Variants in SPATA13 observed in about 807,000 individuals in gnomAD.
SPATA13 encodes spermatogenesis associated 13.
In SPATA13, 50 loss-of-function variants were observed where a neutral mutation model predicts 104.0. That is an observed-to-expected ratio of 0.48 (90% CI 0.38 to 0.61). SPATA13 has a LOEUF of 0.61. Ranked by LOEUF, SPATA13 falls within the 20% of genes least tolerant of loss-of-function variation. The pLI is 0.00. For synonymous variants in SPATA13, 606 were observed against 667.5 expected (o/e 0.91, Z 1.42); for missense variants, 1,524 against 1,690.6 (o/e 0.90, Z 1.73).
At chr13:24,000,779 A>G (rs1055386573) in intron 2 of SPATA13, among the ~76,000 whole-genome samples, 13 of 151,916 alleles carry the variant, frequency 8.6e-5, no homozygotes, top group Non-Finnish European at 1.6e-4. Flanking sequence ...TAGACATTTG[A>G]ATTCTGGAGA....
chr13:24,004,870 A>G (rs1018755080), intron 2 of SPATA13, among the ~76,000 whole-genome samples: 15 of 152,132 alleles, frequency 9.9e-5, no homozygotes, highest in African/African-American at 3.1e-4. Flanking sequence ...AACCCTTCCC[A>G]TTATCAAATT....
chr13:24,269,741 A>ATTT lies in SPATA13; in HGVS notation c.2165-14369_2165-14367dup, dbSNP rs71070673. Reference sequence around the variant, plus strand: ...ATGCCACTATGCATGGCTAATATAAATTTTTTTTTTTTTTTTTTTTTTTTT... The same window carrying ATTT: ...ATGCCACTATGCATGGCTAATATAAATTTTTTTTTTTTTTTTTTTTTTTTTTTT... On this transcript the variant is annotated intron_variant, in intron 4 of 12. Transcript: ENST00000382108. Among the ~76,000 whole-genome samples the ATTT allele has an allele frequency of 4.9e-3, 369 of 75,926 alleles. 22 individuals carry two copies. The highest frequency in any genetic ancestry group is 0.013 in the Middle Eastern group (1 of 80). 49.8% of individuals were successfully genotyped at this position (75,926 alleles called of 152,430 possible). A position where few individuals can be genotyped will look rare whatever the true frequency, so the allele number is the denominator to read the frequency against.
intron 1 of SPATA13, among the ~76,000 whole-genome samples, chr13:24,218,970 T>C (rs1383873276): frequency 6.6e-6 from 1 of 151,136 alleles, no homozygotes; most frequent in African/African-American, 2.4e-5. Context: ...ATTTTTTTGT[T>C]TGTTTGTTTT....
chr13:24,010,722 C>G (rs777842242), intron 2 of SPATA13, among the ~76,000 whole-genome samples: 1 of 152,070 alleles, frequency 6.6e-6, no homozygotes, highest in Non-Finnish European at 1.5e-5. Flanking sequence ...ACTCCTCCCT[C>G]CCTCCTGCTC....
intron 4 of SPATA13, among the ~76,000 whole-genome samples, chr13:24,257,350 A>G (rs1873841572): frequency 6.6e-6 from 1 of 152,118 alleles, no homozygotes; most frequent in Non-Finnish European, 1.5e-5. Context: ...ATATGGGTAG[A>G]CCCCTTTCAA....
intron 2 of SPATA13, among the ~76,000 whole-genome samples, chr13:24,228,262 T>G (rs2138621449): frequency 6.6e-6 from 1 of 152,026 alleles, no homozygotes; most frequent in South Asian, 2.1e-4. Flanking sequence ...TACAGGCACC[T>G]GCCACCATGC....
chr13:24,135,152 G>T (rs1881517117), intron 3 of SPATA13, among the ~76,000 whole-genome samples: 1 of 152,052 alleles, frequency 6.6e-6, no homozygotes, highest in African/African-American at 2.4e-5. Context: ...AATTTCTATT[G>T]TATAAGCCAC....
At chr13:24,245,665 C>G (rs1171945240) in intron 2 of SPATA13, among the ~76,000 whole-genome samples, 1 of 143,406 alleles carries the variant, frequency 7.0e-6, no homozygotes, top group South Asian at 2.3e-4. Flanking sequence ...AATCATGGCT[C>G]ACTGCAGCCT....
At chr13:24,034,323 G>C (rs1214087646) in intron 3 of SPATA13, 1 of 152,190 alleles carries the variant, frequency 6.6e-6, no homozygotes, top group African/African-American at 2.4e-5. Context: ...TAATGGAAAA[G>C]AAAGTTAATA....
chr13:24,096,081 C>T (rs1171617547), intron 3 of SPATA13, among the ~76,000 whole-genome samples: 5 of 152,204 alleles, frequency 3.3e-5, no homozygotes, highest in Admixed American at 6.5e-5. Context: ...CTGCTGCCTC[C>T]GTGCATCAGG....
rs140709413 is a variant in SPATA13, at chr13:24,039,771, T to A, written c.-112+22070T>A. 2.1e-3 allele frequency among the ~76,000 whole-genome samples: 317 copies of A among 152,328 alleles called. 1 individual carries two copies. The highest frequency in any genetic ancestry group is 7.3e-3 in the African/African-American group (304 of 41,584). On this transcript the variant is annotated intron_variant, in intron 3 of 14. Transcript: ENST00000424834. The stretch of plus-strand genomic sequence containing the variant: ...TGGGGGAATTCTGTAGTTGGCTTTG[T>A]GCATTGTTTTGTGTACCAGAACTTG...
At chr13:24,197,214 T>A (rs1045649488) in intron 1 of SPATA13, among the ~76,000 whole-genome samples, 21 of 152,296 alleles carry the variant, frequency 1.4e-4, no homozygotes, top group Admixed American at 3.9e-4. Context: ...CTATAATATT[T>A]ATGTGATGGA....
At chr13:24,199,736 C>T (rs1023835395) in intron 1 of SPATA13, among the ~76,000 whole-genome samples, 3 of 152,128 alleles carry the variant, frequency 2.0e-5, no homozygotes, top group African/African-American at 4.8e-5. Flanking sequence ...TTTCAATAGG[C>T]GCATAACAGT....
intron 3 of SPATA13, among the ~76,000 whole-genome samples, chr13:24,114,537 C>T (rs1441162195): frequency 1.3e-5 from 2 of 152,200 alleles, no homozygotes; most frequent in African/African-American, 2.4e-5. Flanking sequence ...CAACTGGCTG[C>T]CACATTGATT....
At chr13:24,001,759 GA>G (rs1474448019) in intron 2 of SPATA13, among the ~76,000 whole-genome samples, 1 of 152,052 alleles carries the variant, frequency 6.6e-6, no homozygotes, top group Non-Finnish European at 1.5e-5. Flanking sequence ...ATGGGTTGAA[GA>G]AGTAAAAAGA....
In SPATA13 at chr13:24,290,724, A is replaced by G. The variant is rs375500284; in HGVS notation, c.2920A>G (p.Met974Val). The G allele has an allele frequency of 4.3e-6, 7 of 1,614,178 alleles. No individual in the cohort carries two copies. The highest frequency in any genetic ancestry group is 1.3e-5 in the African/African-American group (1 of 75,058). ...PGACLELANLMKQGKYRHFFE... is the reference protein window; with the variant it reads ...PGACLELANLVKQGKYRHFFE... ...CGCCTGCCTGGAGCTCGCCAACCTC[A>G]TGAAGCAGGGCAAGTACAGACATTT... is the stretch of plus-strand genomic sequence containing the variant. The change falls in exon 9 of 13, where the codon ATG becomes GTG. Residue 974 changes from methionine (M) to valine (V), a missense_variant. By Grantham distance (21) the Met-to-Val change is conservative. Transcript: ENST00000382108.
chr13:24,290,704 G>T lies in SPATA13; in HGVS notation c.2900G>T (p.Cys967Phe). ...SEYCNNHPGA[C>F]LELANLMKQG... ...TACTGCAACAACCACCCGGGCGCCT[G>T]CCTGGAGCTCGCCAACCTCATGAAG... is the stretch of plus-strand genomic sequence containing the variant. Residue 967 changes from cysteine (C) to phenylalanine (F), a missense_variant, in exon 9 of 13, where the codon TGC becomes TTC. This residue lies in a region of SPATA13 where 435 missense variants were observed against 554.8 expected (regional missense o/e 0.78). Transcript: ENST00000382108. The T allele has an allele frequency of 6.2e-7, 1 of 1,614,204 alleles. No homozygotes were observed. The highest frequency in any genetic ancestry group is 8.5e-7 in the Non-Finnish European group (1 of 1,180,040).
intron 4 of SPATA13, among the ~76,000 whole-genome samples, chr13:24,254,106 C>T (rs1219802823): frequency 6.6e-6 from 1 of 152,074 alleles, no homozygotes; most frequent in African/African-American, 2.4e-5. Context: ...TAGCAGTGAC[C>T]ACAAAAGCCA....
At chr13:24,005,091 T>G (rs1169777971) in intron 2 of SPATA13, among the ~76,000 whole-genome samples, 1 of 152,246 alleles carries the variant, frequency 6.6e-6, no homozygotes, top group Non-Finnish European at 1.5e-5. Context: ...TTTCTCAAAG[T>G]AAGTACTTTT....
Sources: gnomAD v4.1 joint callset for allele counts (sites outside exome capture counted in the v4.1 genomes callset) on GRCh38, gnomAD v4.1.1 for gene constraint, gnomAD v4.1.1 regional missense constraint, MANE v1.5 for transcripts, NCBI Gene and HGNC (gene_info 2026-07-23, HGNC 2026-07-21) for gene names.